The following BMPR1A variants were observed in gnomAD, a reference collection of about 807,000 sequenced individuals.
BMPR1A encodes the protein bone morphogenetic protein receptor type-1A.
Under a neutral mutation model 66.0 loss-of-function variants are expected in BMPR1A, and 7 were observed. That is an observed-to-expected ratio of 0.11 (90% CI 0.06 to 0.20). BMPR1A has a LOEUF of 0.20. BMPR1A is among the 10% of genes least tolerant of loss of function. The pLI, the probability that BMPR1A is intolerant of heterozygous loss-of-function variation, is 1.00. For synonymous variants in BMPR1A, 200 were observed against 229.7 expected, an observed-to-expected ratio of 0.87 and a Z score of 1.17; for missense variants, 408 against 669.1, an observed-to-expected ratio of 0.61 and a Z score of 4.31.
intron 1 of BMPR1A, among the ~76,000 whole-genome samples, chr10:86,833,529 C>T (rs1485431120): frequency 2.0e-5 from 3 of 152,156 alleles, no homozygotes; most frequent in African/African-American, 7.2e-5. Context: ...GGCTTGTGAT[C>T]CCAAGATTTT....
At chr10:86,932,272 T>C (rs902515546), downstream of BMPR1A, 4 of 152,254 alleles carry the variant, frequency 2.6e-5, no homozygotes, top group East Asian at 1.9e-4. Flanking sequence ...TAACCAATTA[T>C]GTACAATTAT....
At chr10:86,881,572 CAT>C (rs924977651) in intron 3 of BMPR1A, among the ~76,000 whole-genome samples, 4 of 152,240 alleles carry the variant, frequency 2.6e-5, no homozygotes, top group Non-Finnish European at 4.4e-5. Context: ...TCAATAGACA[CAT>C]GTGACTTGTG....
intron 1 of BMPR1A, among the ~76,000 whole-genome samples, chr10:86,828,785 TAA>T (rs10711218): frequency 7.3e-6 from 1 of 137,566 alleles, no homozygotes; most frequent in East Asian, 3.5e-4. Flanking sequence ...AAGCTCTGTA[TAA>T]AAAAAAAATA....
intron 1 of BMPR1A, among the ~76,000 whole-genome samples, chr10:86,778,432 C>T (rs369317990): frequency 1.1e-3 from 165 of 151,956 alleles, no homozygotes; most frequent in African/African-American, 3.0e-3. Flanking sequence ...TGTGAGCCAC[C>T]GTGCCTGCCC....
intron 1 of BMPR1A, among the ~76,000 whole-genome samples, chr10:86,836,800 G>T (rs1842354248): frequency 6.6e-6 from 1 of 152,136 alleles, no homozygotes; most frequent in Non-Finnish European, 1.5e-5. Context: ...GGGCATGGTT[G>T]TATGTACCTG....
At chr10:86,881,467 C>T (rs756276507) in intron 3 of BMPR1A, among the ~76,000 whole-genome samples, 5 of 151,978 alleles carry the variant, frequency 3.3e-5, no homozygotes, top group Admixed American at 6.6e-5. Flanking sequence ...TATACTATGC[C>T]GATTGAATTA....
rs1182062202 is a variant in BMPR1A, at chr10:86,925,986, CA to C, written c.*2270del. 1.2e-5 allele frequency: 2 copies of C among 171,014 alleles called. No individual in the cohort carries two copies. The highest frequency in any genetic ancestry group is 2.5e-5 in the Non-Finnish European group (2 of 78,984). 10.6% of individuals were successfully genotyped at this position (171,014 alleles called of 1,614,324 possible). On this transcript the variant is annotated 3_prime_UTR_variant, in exon 13 of 13. Transcript: ENST00000372037. ...TCATGATCCACCTGCCTCGGCCTCC[CA>C]AAGTTCATTTGTCATCTTAATAAAA... is the stretch of plus-strand genomic sequence containing the variant.
chr10:86,832,465 TAAA>T (rs72199985), intron 1 of BMPR1A, among the ~76,000 whole-genome samples: 7 of 122,280 alleles, frequency 5.7e-5, no homozygotes, highest in Non-Finnish European at 5.2e-5. Context: ...AAACTCCGTC[TAAA>T]AAAAAAAAAA....
chr10:86,843,735 A>G (rs1043916443), intron 2 of BMPR1A, among the ~76,000 whole-genome samples: 9 of 152,212 alleles, frequency 5.9e-5, no homozygotes, highest in Non-Finnish European at 1.2e-4. Context: ...TTTTGTAGGA[A>G]TGTGGTGAAG....
At chr10:86,854,449 A>G (rs1564704049) in intron 2 of BMPR1A, among the ~76,000 whole-genome samples, 1 of 152,204 alleles carries the variant, frequency 6.6e-6, no homozygotes, top group Admixed American at 6.5e-5. Context: ...GTGTCCATGA[A>G]ATCTTCACAA....
intron 1 of BMPR1A, among the ~76,000 whole-genome samples, chr10:86,780,209 CCT>C (rs1032919693): frequency 8.6e-5 from 13 of 152,016 alleles, no homozygotes; most frequent in Admixed American, 2.0e-4. Flanking sequence ...ATATTAATCC[CCT>C]GTTGGATGAG....
intron 1 of BMPR1A, among the ~76,000 whole-genome samples, chr10:86,818,721 T>C (rs562915511): frequency 6.6e-6 from 1 of 152,340 alleles, no homozygotes; most frequent in Admixed American, 6.5e-5. Flanking sequence ...CAGTTACATA[T>C]GCTAGAATCA....
At chr10:86,800,622 A>T (rs1380270650) in intron 1 of BMPR1A, among the ~76,000 whole-genome samples, 1 of 152,126 alleles carries the variant, frequency 6.6e-6, no homozygotes, top group Non-Finnish European at 1.5e-5. Context: ...TGAACTCCTG[A>T]GCTCAAGTGA....
At chr10:86,931,298 C>CACACACACACATATATATATATATAT, downstream of BMPR1A, 25 of 90,894 alleles carry the variant, frequency 2.8e-4, no homozygotes, top group African/African-American at 1.6e-3. Flanking sequence ...CACACACACA[C>CACACACACACATATATATATATATAT]ATATATATAT....
intron 8 of BMPR1A, among the ~76,000 whole-genome samples, chr10:86,915,007 G>A (rs769623610): frequency 2.0e-5 from 3 of 152,218 alleles, no homozygotes; most frequent in Non-Finnish European, 4.4e-5. Flanking sequence ...CATTCATACA[G>A]TGGAATATTA....
chr10:86,800,187 A>G (rs1402094327), intron 1 of BMPR1A, among the ~76,000 whole-genome samples: 1 of 152,160 alleles, frequency 6.6e-6, no homozygotes, highest in East Asian at 1.9e-4. Context: ...CTCATCTTGA[A>G]AAATGGTAAG....
chr10:86,788,221 G>T (rs1841546233), intron 1 of BMPR1A, among the ~76,000 whole-genome samples: 1 of 152,130 alleles, frequency 6.6e-6, no homozygotes, highest in Non-Finnish European at 1.5e-5. Context: ...TAAAAAAGAG[G>T]CCCATTCCGT....
intron 8 of BMPR1A, among the ~76,000 whole-genome samples, chr10:86,914,650 A>G (rs1043259025): frequency 6.6e-6 from 1 of 152,266 alleles, no homozygotes; most frequent in Non-Finnish European, 1.5e-5. Context: ...GGATATACAA[A>G]TTAAACACAG....
intron 1 of BMPR1A, among the ~76,000 whole-genome samples, chr10:86,827,903 C>T (rs1842217252): frequency 6.6e-6 from 1 of 152,146 alleles, no homozygotes; most frequent in South Asian, 2.1e-4. Flanking sequence ...CCTATAATCC[C>T]AGCACTTTGG....
Sources: gnomAD v4.1 joint callset for allele counts (sites outside exome capture counted in the v4.1 genomes callset) on GRCh38, gnomAD v4.1.1 for gene constraint, MANE v1.5 for transcripts, NCBI Gene and HGNC (gene_info 2026-07-23, HGNC 2026-07-21) for gene names.